CLIC4: variants seen among roughly 807,000 people sequenced by gnomAD.
The protein encoded by CLIC4 is chloride intracellular channel protein 4.
Under a neutral mutation model 24.6 loss-of-function variants are expected in CLIC4, and 13 were observed. The ratio of observed to expected loss-of-function variants is 0.53; its 90% CI spans 0.34 to 0.84. The LOEUF is 0.84. CLIC4 is among the 40% of genes least tolerant of loss of function. The pLI, the probability that CLIC4 is intolerant of heterozygous loss-of-function variation, is 0.01. For synonymous variants in CLIC4, 104 were observed against 111.3 expected (o/e 0.93, Z 0.41); for missense variants, 227 against 301.7 (o/e 0.75, Z 1.83).
intron 1 of CLIC4, among the ~76,000 whole-genome samples, chr1:24,757,953 T>C (rs1281880983): frequency 6.6e-6 from 1 of 151,662 alleles, no homozygotes; most frequent in African/African-American, 2.4e-5. Flanking sequence ...GAGATGGGGT[T>C]TCTCAGTGTT....
chr1:24,805,391 G>A (rs774319384), intron 2 of CLIC4, among the ~76,000 whole-genome samples: 4 of 152,130 alleles, frequency 2.6e-5, no homozygotes, highest in Non-Finnish European at 5.9e-5. Context: ...AGCAAATCTA[G>A]TAAAGAATAA....
At chr1:24,787,067 A>G (rs1414624057) in intron 1 of CLIC4, among the ~76,000 whole-genome samples, 5 of 152,210 alleles carry the variant, frequency 3.3e-5, no homozygotes, top group Admixed American at 6.5e-5. Context: ...GACCACAGGC[A>G]TGAGCCACCA....
At chr1:24,776,692 G>A (rs1639144871) in intron 1 of CLIC4, among the ~76,000 whole-genome samples, 1 of 152,138 alleles carries the variant, frequency 6.6e-6, no homozygotes, top group Admixed American at 6.5e-5. Flanking sequence ...TGTAATCCCA[G>A]CACTTTGGGA....
chr1:24,756,165 G>T (rs1297162249), intron 1 of CLIC4, among the ~76,000 whole-genome samples: 2 of 152,006 alleles, frequency 1.3e-5, no homozygotes, highest in Non-Finnish European at 2.9e-5. Context: ...ACGCCTGGCT[G>T]ATTTTTTCTA....
chr1:24,751,637 T>C (rs1638777611), intron 1 of CLIC4, among the ~76,000 whole-genome samples: 1 of 152,176 alleles, frequency 6.6e-6, no homozygotes, highest in Non-Finnish European at 1.5e-5. Flanking sequence ...GAACCACAAA[T>C]GAGAGTAATA....
At chr1:24,807,260 C>G (rs2124144516) in intron 2 of CLIC4, among the ~76,000 whole-genome samples, 1 of 151,716 alleles carries the variant, frequency 6.6e-6, no homozygotes, top group East Asian at 1.9e-4. Flanking sequence ...CCCTACCCGA[C>G]CTACCCCTTT....
chr1:24,753,152 A>G (rs1638800087), intron 1 of CLIC4, among the ~76,000 whole-genome samples: 1 of 152,218 alleles, frequency 6.6e-6, no homozygotes, highest in Admixed American at 6.5e-5. Flanking sequence ...GCTAAGAACC[A>G]CTGTTCTAAA....
chr1:24,775,021 A>G (rs1395918113), intron 1 of CLIC4, among the ~76,000 whole-genome samples: 2 of 150,826 alleles, frequency 1.3e-5, no homozygotes, highest in Non-Finnish European at 3.0e-5. Context: ...CAGTGAGCCG[A>G]GATCACACCA....
chr1:24,830,421 T>C (rs1044980506), intron 4 of CLIC4, among the ~76,000 whole-genome samples: 1 of 152,164 alleles, frequency 6.6e-6, no homozygotes, highest in Non-Finnish European at 1.5e-5. Context: ...CATTTAACCA[T>C]TTCCATGTTG....
chr1:24,838,664 A>G (rs1300800060), intron 4 of CLIC4, among the ~76,000 whole-genome samples: 4 of 152,148 alleles, frequency 2.6e-5, no homozygotes, highest in African/African-American at 9.7e-5. Flanking sequence ...AAGTTCATCT[A>G]TTCTGAGAGT....
chr1:24,749,972 T>C (rs1638753519), intron 1 of CLIC4, among the ~76,000 whole-genome samples: 1 of 152,188 alleles, frequency 6.6e-6, no homozygotes, highest in Non-Finnish European at 1.5e-5. Context: ...GATACATGCC[T>C]GTGGTCCCAG....
chr1:24,840,088 AT>A, intron 5 of CLIC4, 47 bp downstream of exon 5: 5 of 1,530,722 alleles, frequency 3.3e-6, no homozygotes, highest in Non-Finnish European at 4.5e-6. Flanking sequence ...CTTGTATTGT[AT>A]TTACTAAAGT....
chr1:24,796,467 G>A (rs775836610), intron 1 of CLIC4, among the ~76,000 whole-genome samples: 4 of 152,206 alleles, frequency 2.6e-5, no homozygotes, highest in Non-Finnish European at 4.4e-5. Flanking sequence ...GATTACAGGC[G>A]TGAGCCACTG....
In CLIC4 at chr1:24,803,183, TTCTTAA is replaced by T. The variant is rs1325173713; in HGVS notation, c.182+5339_182+5344del. 1.1e-4 allele frequency among the ~76,000 whole-genome samples: 17 copies of T among 152,336 alleles called. 1 individual carries two copies. Among genetic ancestry groups the T allele is most frequent in the African/African-American group, 3.4e-4 (14 of 41,584 alleles). On this transcript the variant is annotated intron_variant, in intron 2 of 5. Transcript: ENST00000374379. ...TCCCTGTAGTACTTTTCATAATATA[TTCTTAA>T]TCTTAAAACATTAAATGTGACTCTT...
chr1:24,785,869 A>G (rs1047529243), intron 1 of CLIC4, among the ~76,000 whole-genome samples: 1 of 151,178 alleles, frequency 6.6e-6, no homozygotes, highest in Non-Finnish European at 1.5e-5. Context: ...AAAAAAAAAA[A>G]AAAAAAAGAA....
intron 1 of CLIC4, among the ~76,000 whole-genome samples, chr1:24,796,107 C>T (rs759558765): frequency 8.5e-5 from 13 of 152,178 alleles, no homozygotes; most frequent in Non-Finnish European, 1.6e-4. Context: ...ATTATGAAAA[C>T]ATATTGTTTA....
intron 1 of CLIC4, among the ~76,000 whole-genome samples, chr1:24,747,557 A>G (rs1382158475): frequency 8.2e-5 from 12 of 146,220 alleles, no homozygotes; most frequent in Non-Finnish European, 1.5e-4. Flanking sequence ...AAAAAGAAAG[A>G]AAGGAAGGGT....
chr1:24,837,016 CTATAT>C (rs1419224361), intron 4 of CLIC4, among the ~76,000 whole-genome samples: 1 of 151,912 alleles, frequency 6.6e-6, no homozygotes, highest in Non-Finnish European at 1.5e-5. Context: ...TTCCAAAAGC[CTATAT>C]TAGAAAAGAA....
In CLIC4 at chr1:24,818,109, G is replaced by A. The variant is rs1349922969; in HGVS notation, c.308+3890G>A. On this transcript the variant is annotated intron_variant, in intron 3 of 5. Coordinates refer to ENST00000374379, the MANE Select transcript of CLIC4 (RefSeq NM_013943.3). ...GCGAAAAATACCACAGTGTGACAGA[G>A]ACATGAAGTGAGCACATGCTGCTGG... Among the ~76,000 whole-genome samples, 8 of 152,238 alleles carry A rather than the reference G, an allele frequency of 5.3e-5. No individual in the cohort carries two copies. In the East Asian group the frequency reaches 1.4e-3, roughly 26 times the overall value.
Sources: allele counts gnomAD v4.1 joint callset (sites outside exome capture counted in the v4.1 genomes callset), GRCh38; gene constraint gnomAD v4.1.1; transcripts MANE v1.5; gene names NCBI Gene and HGNC (gene_info 2026-07-23, HGNC 2026-07-21).